Variants in TTC9C observed in about 807,000 individuals in gnomAD.
TTC9C encodes tetratricopeptide repeat protein 9C.
TTC9C carries 15 observed loss-of-function variants against 22.5 expected under a neutral mutation model. The observed-to-expected ratio is 0.67, with a 90% CI of 0.45 to 1.03. The LOEUF (loss-of-function observed/expected upper bound fraction) is 1.03. TTC9C is among the 50% of genes least tolerant of loss of function. The pLI, the probability that TTC9C is intolerant of heterozygous loss-of-function variation, is 0.00. For synonymous variants in TTC9C, 92 were observed against 86.8 expected (o/e 1.06, Z -0.33); for missense variants, 244 against 214.6 (o/e 1.14, Z -0.86).
chr11:62,732,634 A>G (rs1212770582), intron 1 of TTC9C, among the ~76,000 whole-genome samples: 1 of 149,014 alleles, frequency 6.7e-6, no homozygotes, highest in African/African-American at 2.5e-5. Context: ...AAATTAATTT[A>G]CTTGGGCCAG....
Position 62,738,600 on chromosome 11 carries a change from C to G in TTC9C, c.*218C>G. 2 of 413,430 alleles carry G rather than the reference C, an allele frequency of 4.8e-6. No homozygotes were observed. The highest frequency in any genetic ancestry group is 8.8e-6 in the Non-Finnish European group (2 of 227,576). The allele number at this position is 413,430 out of a possible 1,614,324, so 25.6% of individuals were successfully genotyped here. On this transcript the variant is annotated 3_prime_UTR_variant, in exon 3 of 3. Transcript: ENST00000316461. ...TACCTTTCAATACATGTTATTGTTGCAGATATTTGGCTTGAGAAATATAAT... is the reference window on the plus strand; with the variant it reads ...TACCTTTCAATACATGTTATTGTTGGAGATATTTGGCTTGAGAAATATAAT...
At chr11:62,735,798 T>A in intron 2 of TTC9C, 1 of 500,756 alleles carries the variant, frequency 2.0e-6, no homozygotes, top group Non-Finnish European at 3.2e-6. Context: ...GGTTGATGCT[T>A]AATCAGACAT....
At position 62,728,909 on chromosome 11, in the gene TTC9C, G is replaced by A. The variant is rs147928142; in HGVS notation, c.61G>A (p.Glu21Lys). ...YKEEGNQRYR[E>K]GKYRDAVSRY... ...GGAGGAAGGGAACCAGCGCTACCGGGAAGGGAAGTACCGAGATGCTGTGAG... is the reference window on the plus strand; with the variant it reads ...GGAGGAAGGGAACCAGCGCTACCGGAAAGGGAAGTACCGAGATGCTGTGAG... Residue 21 changes from glutamate to lysine, a missense_variant, in exon 1 of 3, where the codon GAA (glutamate) becomes AAA (lysine). By Grantham distance (56) the Glu-to-Lys change is moderately conservative. Transcript: ENST00000316461. 2 of 1,614,100 alleles carry A rather than the reference G, an allele frequency of 1.2e-6. No homozygotes were observed. Among genetic ancestry groups the A allele is most frequent in the Non-Finnish European group, 8.5e-7 (1 of 1,180,054 alleles).
intron 1 of TTC9C, chr11:62,733,151 T>TA: frequency 7.8e-7 from 1 of 1,288,962 alleles, no homozygotes. Flanking sequence ...TTCTTAATCA[T>TA]AAAAAGGCAG....
At position 62,733,844 on chromosome 11, in the gene TTC9C, T is replaced by C. The variant is rs531067928; in HGVS notation, c.239-1538T>C. On this transcript the variant is annotated intron_variant, in intron 1 of 2. Transcript: ENST00000316461. ...CCGTCTGTACTAAAAATACAAAAAT[T>C]AGCCAGGCATGGTGGTGAGCGCCTA... 1.8e-3 allele frequency among the ~76,000 whole-genome samples: 272 copies of C among 151,944 alleles called. 2 individuals carry two copies. The South Asian group carries it at 0.027, about 15-fold the overall frequency.
rs112518927 is a variant in TTC9C at position 62,734,011 on chromosome 11, T to C, written c.239-1371T>C. ...CCATCTCAAAAAATAATAATAATAA[T>C]GAGGGGGCTGGGCAGGGTGGTTCAC... On this transcript the variant is annotated intron_variant, in intron 1 of 2. Transcript: ENST00000316461. Among the ~76,000 whole-genome samples, 545 of 147,856 alleles carry C rather than the reference T, an allele frequency of 3.7e-3. 4 individuals carry two copies. The highest frequency in any genetic ancestry group is 0.013 in the African/African-American group (526 of 39,976).
rs545168892 is a variant in TTC9C at position 62,729,762 on chromosome 11, G to A, written c.238+676G>A. 1.3e-4 allele frequency among the ~76,000 whole-genome samples: 20 copies of A among 151,974 alleles called. No homozygotes were observed. In the South Asian group the frequency reaches 4.2e-3, roughly 32 times the overall value. On this transcript the variant is annotated intron_variant, in intron 1 of 2. Coordinates refer to ENST00000316461, the MANE Select transcript of TTC9C (RefSeq NM_173810.4). ...AGCTAATTTTTGTATTTTTAGTAGA[G>A]ACGGGGTTTCATAATATTGGTCAGG...
intron 1 of TTC9C, among the ~76,000 whole-genome samples, chr11:62,731,304 G>A (rs1255100724): frequency 2.0e-5 from 3 of 152,090 alleles, no homozygotes; most frequent in Admixed American, 6.6e-5. Flanking sequence ...TCCAGATTTG[G>A]ACTCAAAAGT....
In TTC9C at chr11:62,731,864, T is replaced by G. The variant is rs187456976; in HGVS notation, c.238+2778T>G. Reference sequence around the variant, plus strand: ...GCCCAGCTAATTTTTTTTTTGTATTTTTAGTAGAGACGGGGTCTCACCTTG... The same window carrying G: ...GCCCAGCTAATTTTTTTTTTGTATTGTTAGTAGAGACGGGGTCTCACCTTG... On this transcript the variant is annotated intron_variant, in intron 1 of 2. Coordinates refer to ENST00000316461, the MANE Select transcript of TTC9C (RefSeq NM_173810.4). Among the ~76,000 whole-genome samples the G allele has an allele frequency of 4.9e-3, 737 of 150,056 alleles. 6 individuals are homozygous for G. The highest frequency in any genetic ancestry group is 0.018 in the African/African-American group (714 of 40,794).
intron 1 of TTC9C, among the ~76,000 whole-genome samples, chr11:62,732,567 G>T (rs984526042): frequency 2.4e-4 from 36 of 147,408 alleles, no homozygotes; most frequent in Non-Finnish European, 5.0e-4. Context: ...CCAAGATCGC[G>T]CCATTGCACA....
In TTC9C at chr11:62,728,579, T is replaced by C. The variant is rs1359612737; in HGVS notation, c.-270T>C. 7.0e-6 allele frequency: 4 copies of C among 575,070 alleles called. No individual in the cohort carries two copies. In the Admixed American group the frequency reaches 8.7e-5, roughly 13 times the overall value. The allele number at this position is 575,070 out of a possible 1,614,324, so 35.6% of individuals were successfully genotyped here. ...CTCATCCACCCCCACATCGCCTCTT[T>C]AGGAAGTCACTTAATGTTGGGCTTC... On this transcript the variant is annotated 5_prime_UTR_variant, in exon 1 of 3. Coordinates refer to ENST00000316461, the MANE Select transcript of TTC9C (RefSeq NM_173810.4).
intron 2 of TTC9C, 108 bp downstream of exon 2, chr11:62,735,672 A>G (rs1008956413): frequency 4.2e-6 from 6 of 1,426,964 alleles, no homozygotes; most frequent in Middle Eastern, 5.2e-4. Context: ...TTCAATAAGT[A>G]ATACATTCAC....
intron 2 of TTC9C, among the ~76,000 whole-genome samples, chr11:62,737,516 A>G (rs889272190): frequency 2.0e-5 from 3 of 152,226 alleles, no homozygotes; most frequent in Admixed American, 2.0e-4. Flanking sequence ...TACAATAGCC[A>G]CTGGATACTA....
At chr11:62,734,591 A>G (rs1484963739) in intron 1 of TTC9C, among the ~76,000 whole-genome samples, 1 of 152,142 alleles carries the variant, frequency 6.6e-6, no homozygotes, top group Non-Finnish European at 1.5e-5. Flanking sequence ...AAAAAATAAT[A>G]AAAAAAGAAT....
intron 1 of TTC9C, 81 bp downstream of exon 1, chr11:62,729,167 G>A: frequency 8.1e-7 from 1 of 1,236,794 alleles, no homozygotes; most frequent in Non-Finnish European, 1.1e-6. Context: ...AAAAAACGCT[G>A]ACTTTTTTTT....
intron 1 of TTC9C, among the ~76,000 whole-genome samples, chr11:62,730,250 A>G (rs1384626712): frequency 6.6e-6 from 1 of 151,516 alleles, no homozygotes; most frequent in Non-Finnish European, 1.5e-5. Flanking sequence ...AATTTTTTGT[A>G]TTTTTAGTAG....
Position 62,728,927 on chromosome 11 carries a change from G to A in TTC9C, c.79G>A (p.Ala27Thr). Residue 27 changes from alanine to threonine, a missense_variant, in exon 1 of 3, where the codon GCT becomes ACT. Transcript: ENST00000316461. Reference protein sequence around the residue: ...QRYREGKYRDAVSRYHRALLQ... With the variant: ...QRYREGKYRDTVSRYHRALLQ... ...CTACCGGGAAGGGAAGTACCGAGAT[G>A]CTGTGAGTAGGTACCATCGAGCTCT... The A allele has an allele frequency of 1.2e-6, 2 of 1,614,182 alleles. No homozygotes were observed. The highest frequency in any genetic ancestry group is 2.2e-5 in the South Asian group (2 of 91,078).
chr11:62,737,404 C>A (rs2083924653), intron 2 of TTC9C, among the ~76,000 whole-genome samples: 1 of 152,128 alleles, frequency 6.6e-6, no homozygotes, highest in African/African-American at 2.4e-5. Flanking sequence ...TTGGGACTTA[C>A]TTTGTTTCCA....
At chr11:62,735,620 C>T in intron 2 of TTC9C, 56 bp downstream of exon 2, 1 of 1,532,448 alleles carries the variant, frequency 6.5e-7, no homozygotes, top group South Asian at 1.2e-5. Flanking sequence ...TGGGGTGGAT[C>T]TGTGGAAAGG....
Sources: allele counts gnomAD v4.1 joint callset (sites outside exome capture counted in the v4.1 genomes callset), GRCh38; gene constraint gnomAD v4.1.1; transcripts MANE v1.5; gene names NCBI Gene and HGNC (gene_info 2026-07-23, HGNC 2026-07-21).